Variants in RGPD6 observed in about 807,000 individuals in gnomAD.
RGPD6 encodes the protein RANBP2-like and GRIP domain-containing protein 5/6.
the RGPD6 span, among the ~76,000 whole-genome samples, chr2:110,609,833 T>G: frequency 5.6e-4 from 53 of 94,542 alleles, no homozygotes; most frequent in South Asian, 8.0e-4. Flanking sequence ...AGTGGGGGGT[T>G]GGGGGGAGCA....
chr2:110,604,745 T>C, the RGPD6 span, among the ~76,000 whole-genome samples: 1 of 150,154 alleles, frequency 6.7e-6, no homozygotes, highest in Admixed American at 6.6e-5. Flanking sequence ...ACACAAAATC[T>C]TGCATTCCAT....
the RGPD6 span, among the ~76,000 whole-genome samples, chr2:110,589,404 A>T: frequency 6.6e-6 from 1 of 152,082 alleles, no homozygotes; most frequent in Non-Finnish European, 1.5e-5. Context: ...AAAATAATGC[A>T]TTTGAATTCC....
At chr2:110,594,250 A>C in the RGPD6 span, among the ~76,000 whole-genome samples, 5 of 144,284 alleles carry the variant, frequency 3.5e-5, 1 homozygote, top group African/African-American at 1.4e-4. Flanking sequence ...CACTCAACAA[A>C]CTAGGAACAG....
chr2:110,589,640 G>GC, the RGPD6 span, among the ~76,000 whole-genome samples: 1 of 144,574 alleles, frequency 6.9e-6, no homozygotes, highest in East Asian at 2.2e-4. Context: ...CCAAACCATG[G>GC]CCTGCATTGT....
At chr2:110,604,975 G>A in the RGPD6 span, among the ~76,000 whole-genome samples, 1 of 147,122 alleles carries the variant, frequency 6.8e-6, no homozygotes, top group East Asian at 2.0e-4. Context: ...CATCTTCATC[G>A]TCATCCAGAT....
At chr2:110,595,831 A>AT in the RGPD6 span, among the ~76,000 whole-genome samples, 1 of 138,948 alleles carries the variant, frequency 7.2e-6, no homozygotes, top group African/African-American at 2.9e-5. Flanking sequence ...GACTTTCTTC[A>AT]TCAGTCCCCC....
At chr2:110,604,984 A>G in the RGPD6 span, among the ~76,000 whole-genome samples, 1 of 147,730 alleles carries the variant, frequency 6.8e-6, no homozygotes, top group East Asian at 2.0e-4. Context: ...CGTCATCCAG[A>G]TACATTTGGT....
the RGPD6 span, among the ~76,000 whole-genome samples, chr2:110,589,428 A>G: frequency 1.3e-5 from 2 of 152,160 alleles, no homozygotes; most frequent in Non-Finnish European, 2.9e-5. Context: ...GTATTTATAT[A>G]CAACATTGCC....
the RGPD6 span, among the ~76,000 whole-genome samples, chr2:110,594,237 A>G: frequency 5.5e-5 from 8 of 145,768 alleles, no homozygotes. Context: ...TTGTGCTTAA[A>G]AACACTCAAC....
chr2:110,589,512 A>G, the RGPD6 span, among the ~76,000 whole-genome samples: 13 of 152,112 alleles, frequency 8.5e-5, no homozygotes, highest in Non-Finnish European at 7.3e-5. Context: ...GAGAAAGTCT[A>G]TGTCAATCAG....
chr2:110,593,088 C>T, the RGPD6 span, among the ~76,000 whole-genome samples: 4 of 148,260 alleles, frequency 2.7e-5, no homozygotes, highest in Admixed American at 2.0e-4. Flanking sequence ...ACATTCCACA[C>T]ATTTATAAAG....
the RGPD6 span, among the ~76,000 whole-genome samples, chr2:110,603,918 G>A: frequency 6.0e-5 from 9 of 150,886 alleles, 1 homozygote; most frequent in African/African-American, 9.8e-5. Context: ...CTTGGATTGG[G>A]TGGTGTCCTC....
the RGPD6 span, among the ~76,000 whole-genome samples, chr2:110,609,506 CA>C: frequency 7.2e-6 from 1 of 139,744 alleles, no homozygotes; most frequent in African/African-American, 3.0e-5. Context: ...AAAATACACA[CA>C]GATCCACATA....
chr2:110,601,691 TAGTC>T, the RGPD6 span, among the ~76,000 whole-genome samples: 12 of 137,860 alleles, frequency 8.7e-5, no homozygotes, highest in Admixed American at 6.5e-4. Context: ...TAAACACAAT[TAGTC>T]AGATCATATA....
At chr2:110,598,369 T>C in the RGPD6 span, among the ~76,000 whole-genome samples, 1 of 20,660 alleles carries the variant, frequency 4.8e-5, no homozygotes, top group African/African-American at 5.3e-5. Context: ...TGTATGCTGA[T>C]AACGCCCACT....
At chr2:110,610,777 T>TGTCAGC in the RGPD6 span, 1 of 1,121,992 alleles carries the variant, frequency 8.9e-7, no homozygotes, top group Non-Finnish European at 1.1e-6. Context: ...TGGTGGGAGG[T>TGTCAGC]GTCAGCGTCG....
chr2:110,594,159 A>C, the RGPD6 span, among the ~76,000 whole-genome samples: 2 of 148,048 alleles, frequency 1.4e-5, no homozygotes, highest in Non-Finnish European at 2.9e-5. Flanking sequence ...TAAAGTATTA[A>C]TAGATTAAAA....
the RGPD6 span, among the ~76,000 whole-genome samples, chr2:110,607,194 C>A: frequency 0.031 from 4,726 of 150,164 alleles, 3 homozygotes; most frequent in East Asian, 0.091. Context: ...CCTTGCGCCT[C>A]TGCATATCTG....
chr2:110,603,808 G>A, the RGPD6 span, among the ~76,000 whole-genome samples: 1 of 140,950 alleles, frequency 7.1e-6, no homozygotes, highest in Non-Finnish European at 1.5e-5. Flanking sequence ...GAGCAACCCA[G>A]AACAACTCTA....
Sources: gnomAD v4.1 joint callset for allele counts (sites outside exome capture counted in the v4.1 genomes callset) on GRCh38, gnomAD v4.1.1 for gene constraint, MANE v1.5 for transcripts, NCBI Gene and HGNC (gene_info 2026-07-23, HGNC 2026-07-21) for gene names.